Variants in SNX30 observed in about 807,000 individuals in gnomAD.
SNX30 encodes sorting nexin family member 30, also known as sorting nexin-30.
In SNX30, 24 loss-of-function variants were observed where a neutral mutation model predicts 46.4. The ratio of observed to expected loss-of-function variants is 0.52; its 90% CI spans 0.37 to 0.73. The LOEUF is 0.73. Among genes scored for constraint, SNX30 ranks in the 30% least tolerant of loss-of-function variants. SNX30 has a pLI of 0.00. For missense variants in SNX30, 533 were observed against 555.7 expected (o/e 0.96, Z 0.41); for synonymous variants, 189 against 211.5 (o/e 0.89, Z 0.92).
chr9:112,838,191 G>A (rs767309802), intron 5 of SNX30, among the ~76,000 whole-genome samples: 68 of 152,202 alleles, frequency 4.5e-4, no homozygotes, highest in African/African-American at 1.4e-3. Context: ...CCAGGCCAGC[G>A]AGTGGTTATT....
intron 5 of SNX30, among the ~76,000 whole-genome samples, 155 bp downstream of exon 5, chr9:112,836,564 C>G (rs10981516): frequency 0.17 from 26,545 of 152,210 alleles, 3,122 homozygotes; most frequent in African/African-American, 0.33. Context: ...GGAGGAGTTA[C>G]TTGTGACTGG....
At chr9:112,879,184 T>G (rs1320727022), downstream of SNX30, 1 of 152,136 alleles carries the variant, frequency 6.6e-6, no homozygotes, top group East Asian at 1.9e-4. Flanking sequence ...CTCCTGAGTG[T>G]TTGTAGGTAA....
At chr9:112,807,938 G>T (rs1840256371) in intron 2 of SNX30, among the ~76,000 whole-genome samples, 1 of 152,178 alleles carries the variant, frequency 6.6e-6, no homozygotes. Context: ...TTTTCACTTG[G>T]CTGTGATGCC....
chr9:112,806,530 GAA>G (rs960221211), intron 2 of SNX30, among the ~76,000 whole-genome samples: 1 of 151,870 alleles, frequency 6.6e-6, no homozygotes, highest in Non-Finnish European at 1.5e-5. Context: ...TTTCATTGTA[GAA>G]AAAAATCATT....
chr9:112,804,699 T>G, intron 1 of SNX30, 77 bp from the exon 2 acceptor site: 8 of 1,322,466 alleles, frequency 6.0e-6, no homozygotes, highest in Non-Finnish European at 7.2e-6. Flanking sequence ...TTTATTGGTT[T>G]GGCTAAACCA....
At chr9:112,836,718 T>C (rs1840758206) in intron 5 of SNX30, among the ~76,000 whole-genome samples, 1 of 152,238 alleles carries the variant, frequency 6.6e-6, no homozygotes, top group Non-Finnish European at 1.5e-5. Context: ...TAGACTCAAC[T>C]GCCCTTCATC....
chr9:112,819,946 C>T (rs1300698532), intron 3 of SNX30, among the ~76,000 whole-genome samples: 2 of 152,202 alleles, frequency 1.3e-5, no homozygotes, highest in East Asian at 3.8e-4. Flanking sequence ...CCTTTTTGTA[C>T]TGTACTCTTT....
intron 3 of SNX30, among the ~76,000 whole-genome samples, chr9:112,829,373 G>A (rs1840627587): frequency 1.3e-5 from 2 of 152,202 alleles, no homozygotes; most frequent in African/African-American, 4.8e-5. Flanking sequence ...GCCAGCCTAA[G>A]CTATCCTCCC....
chr9:112,859,024 A>G (rs142582211), intron 7 of SNX30, among the ~76,000 whole-genome samples: 17 of 152,276 alleles, frequency 1.1e-4, no homozygotes, highest in East Asian at 5.8e-4. Context: ...TTGTTGTGCA[A>G]TCGATATCTG....
Position 112,759,227 on chromosome 9 carries a change from C to G in SNX30, c.156+8070C>G, listed in dbSNP as rs943521189. On this transcript the variant is annotated intron_variant, in intron 1 of 8. Transcript: ENST00000374232. ...TTTTCTGAAGAGAAGGTTTGCGGCC[C>G]TTGCTTCCACTTCCTGACCTCTGAC... Among the ~76,000 whole-genome samples the G allele has an allele frequency of 2.6e-5, 4 of 152,280 alleles. No individual in the cohort carries two copies. In the East Asian group the frequency reaches 7.7e-4, roughly 29 times the overall value.
chr9:112,841,273 G>T (rs1840852701), intron 6 of SNX30, among the ~76,000 whole-genome samples: 1 of 152,150 alleles, frequency 6.6e-6, no homozygotes, highest in South Asian at 2.1e-4. Flanking sequence ...TGTATTTGAA[G>T]CACGATTTAA....
chr9:112,885,187 C>T (rs189098564), downstream of SNX30: 26 of 152,198 alleles, frequency 1.7e-4, no homozygotes, highest in East Asian at 2.1e-3. Flanking sequence ...TAATGATTGA[C>T]GGCTCTTGTC....
chr9:112,848,912 C>A (rs375988597), intron 6 of SNX30, among the ~76,000 whole-genome samples: 19 of 152,220 alleles, frequency 1.2e-4, no homozygotes, highest in African/African-American at 4.6e-4. Context: ...GCAACCCCAG[C>A]AGTGCCCCCA....
chr9:112,823,683 C>T, intron 3 of SNX30, among the ~76,000 whole-genome samples: 1 of 152,074 alleles, frequency 6.6e-6, no homozygotes, highest in East Asian at 1.9e-4. Context: ...TAGTAGTAAA[C>T]TCAGAGGAAT....
intron 1 of SNX30, among the ~76,000 whole-genome samples, chr9:112,770,337 A>G (rs1680247743): frequency 6.6e-6 from 1 of 151,126 alleles, no homozygotes; most frequent in African/African-American, 2.4e-5. Flanking sequence ...ACACCCGACT[A>G]ATTTTTTGTA....
chr9:112,850,817 G>T (rs770205984), intron 6 of SNX30, 42 bp from the exon 7 acceptor site: 1 of 1,506,742 alleles, frequency 6.6e-7, no homozygotes, highest in South Asian at 1.1e-5. Flanking sequence ...AGGCCCCTTT[G>T]TGGACTCAGT....
rs183816461 is a variant in SNX30 at position 112,776,453 on chromosome 9, T to G, written c.156+25296T>G. Among the ~76,000 whole-genome samples, 4 of 152,352 alleles carry G rather than the reference T, an allele frequency of 2.6e-5. 1 individual carries two copies. In the East Asian group the frequency reaches 7.7e-4, roughly 29 times the overall value. On this transcript the variant is annotated intron_variant, in intron 1 of 8. Transcript: ENST00000374232. ...TCTGACTGTGATATCTAGATGATGA[T>G]CTTGGCCAAGGACAAGAGCTGATTA...
chr9:112,810,084 A>G (rs931514001), intron 2 of SNX30, among the ~76,000 whole-genome samples: 1 of 152,018 alleles, frequency 6.6e-6, no homozygotes, highest in Non-Finnish European at 1.5e-5. Context: ...TGTGGCAGGA[A>G]GTTAAGGGGT....
chr9:112,843,584 G>A (rs1320746203), intron 6 of SNX30, among the ~76,000 whole-genome samples: 1 of 150,448 alleles, frequency 6.6e-6, no homozygotes, highest in African/African-American at 2.4e-5. Context: ...TAAGTGGTAA[G>A]CGGTGAGGTC....
Sources: gnomAD v4.1 joint callset for allele counts (sites outside exome capture counted in the v4.1 genomes callset) on GRCh38, gnomAD v4.1.1 for gene constraint, MANE v1.5 for transcripts, NCBI Gene and HGNC (gene_info 2026-07-23, HGNC 2026-07-21) for gene names.